The following UNC5A variants were observed in gnomAD, a reference collection of about 807,000 sequenced individuals.
UNC5A encodes unc-5 netrin receptor A.
UNC5A carries 20 observed loss-of-function variants against 87.4 expected under a neutral mutation model. That is an observed-to-expected ratio of 0.23 (90% CI 0.16 to 0.33). The LOEUF is 0.33. UNC5A is among the 10% of genes least tolerant of loss of function. The pLI, the probability that UNC5A is intolerant of heterozygous loss-of-function variation, is 1.00. For synonymous variants in UNC5A, 438 were observed against 482.3 expected (o/e 0.91, Z 1.20); for missense variants, 844 against 1,133.4 (o/e 0.74, Z 3.67).
intron 1 of UNC5A, among the ~76,000 whole-genome samples, chr5:176,829,156 AGATGGATGGATG>A (rs70991573): frequency 0.076 from 9,295 of 122,212 alleles, 897 homozygotes; most frequent in African/African-American, 0.24. Context: ...AAAGAAAGAA[AGATGGATGGATG>A]GATGGATGGA....
intron 2 of UNC5A, among the ~76,000 whole-genome samples, chr5:176,863,813 T>TCCCCCTCCTCCTCCC (rs1757906014): frequency 2.2e-5 from 1 of 44,700 alleles, no homozygotes; most frequent in Non-Finnish European, 4.4e-5. Context: ...CTTCCCCTCC[T>TCCCCCTCCTCCTCCC]CCCCCTCCTC....
rs780514029 is a variant in UNC5A at position 176,874,159 on chromosome 5, G to A, written c.1075+3G>A. 1.2e-6 allele frequency: 2 copies of A among 1,612,612 alleles called. No homozygotes were observed. The highest frequency in any genetic ancestry group is 1.1e-5 in the South Asian group (1 of 91,068). ...CAGCATCAAGCCCAGCAAAGCAGGT[G>A]AGGGGCCCCGTGCCCCCAGCACTCC... On this transcript the variant is annotated splice_donor_region_variant and intron_variant, in intron 7 of 14. Transcript: ENST00000329542. This position sits in a 1 kb window ranked among gnomAD's most constrained non-coding sequence, Gnocchi z 7.6.
In UNC5A at chr5:176,862,662, G is replaced by T. The variant is rs757684191; in HGVS notation, c.109G>T (p.Gly37Cys). 1 of 1,613,602 alleles carries T rather than the reference G, an allele frequency of 6.2e-7. No individual in the cohort carries two copies. Among genetic ancestry groups the T allele is most frequent in the South Asian group, 1.1e-5 (1 of 91,084 alleles). Residue 37 changes from glycine (G) to cysteine (C), a missense_variant, in exon 2 of 15, where the codon GGT becomes TGT. Physicochemically the swap from Gly to Cys is radical, Grantham distance 159 (BLOSUM62 -3). Transcript: ENST00000329542. ...TGCCACCGTGGCCAACCCAGTGCCT[G>T]GTGCCAACCCGGACCTGCTTCCCCA... ...QSATVANPVP[G>C]ANPDLLPHFL...
At position 176,869,568 on chromosome 5, in the gene UNC5A, G is replaced by T; in HGVS notation, c.721+604G>T. 1 of 678,262 alleles carries T rather than the reference G, an allele frequency of 1.5e-6. No individual in the cohort carries two copies. The highest frequency in any genetic ancestry group is 2.7e-6 in the Non-Finnish European group (1 of 370,938). The allele number at this position is 678,262 out of a possible 1,614,324, so 42.0% of individuals were successfully genotyped here. A position where few individuals can be genotyped will look rare whatever the true frequency, so the allele number is the denominator to read the frequency against. The stretch of plus-strand genomic sequence containing the variant: ...CCCCGTCCCCTGGGCCAGTGTATCT[G>T]AGGACGCCCCCGCTCCCTGACCCCA... On this transcript the variant is annotated intron_variant, in intron 5 of 14. Coordinates refer to ENST00000329542, the MANE Select transcript of UNC5A (RefSeq NM_133369.3). The surrounding 1 kb of genome is among the most constrained non-coding windows in gnomAD (Gnocchi z 9.1).
At chr5:176,847,083 G>A (rs542518184) in intron 1 of UNC5A, among the ~76,000 whole-genome samples, 5 of 152,134 alleles carry the variant, frequency 3.3e-5, no homozygotes, top group South Asian at 2.1e-4. Context: ...GTGCCACTCC[G>A]ATGGGTGCCC....
rs144064373 is a variant in UNC5A, at chr5:176,874,454, C to T, written c.1266C>T (p.Phe422=). Residue 422 remains phenylalanine (F), a synonymous_variant, in exon 8 of 15, where the codon TTC becomes TTT. Coordinates refer to ENST00000329542, the MANE Select transcript of UNC5A (RefSeq NM_133369.3). The surrounding 1 kb of genome is among the most constrained non-coding windows in gnomAD (Gnocchi z 7.6). ...HSSPTSEAEE[F]VSRLSTQNYF... ...CTCCCACCTCTGAGGCCGAGGAGTT[C>T]GTCTCCCGCCTCTCCACCCAGAACT... The T allele has an allele frequency of 2.9e-3, 4,631 of 1,610,774 alleles. 13 individuals are homozygous for T. The highest frequency in any genetic ancestry group is 3.6e-3 in the Non-Finnish European group (4,276 of 1,178,202).
intron 2 of UNC5A, among the ~76,000 whole-genome samples, chr5:176,863,212 A>G (rs1757885008): frequency 6.6e-6 from 1 of 152,152 alleles, no homozygotes. Flanking sequence ...GAGGCCCCTC[A>G]GGGGAGGTGA....
rs951811509 is a variant in UNC5A, at chr5:176,844,288, C to T, written c.71-18336C>T. Among the ~76,000 whole-genome samples, 3 of 152,112 alleles carry T rather than the reference C, an allele frequency of 2.0e-5. No individual in the cohort carries two copies. Among genetic ancestry groups the T allele is most frequent in the African/African-American group, 7.2e-5 (3 of 41,446 alleles). On this transcript the variant is annotated intron_variant, in intron 1 of 14. Coordinates refer to ENST00000329542, the MANE Select transcript of UNC5A (RefSeq NM_133369.3). The surrounding 1 kb of genome is among the most constrained non-coding windows in gnomAD (Gnocchi z 4.2). ...GTATCCCGTGGGCCACCGGGGTTCT[C>T]TTGGTGGGTGTGGCACAGCTGAGGA...
chr5:176,840,178 T>G (rs971617463), intron 1 of UNC5A, among the ~76,000 whole-genome samples: 1 of 152,178 alleles, frequency 6.6e-6, no homozygotes, highest in Non-Finnish European at 1.5e-5. Context: ...GTGTGAACCT[T>G]CTTCACGCCT....
At chr5:176,819,646 A>G (rs956055294) in intron 1 of UNC5A, among the ~76,000 whole-genome samples, 8 of 152,206 alleles carry the variant, frequency 5.3e-5, no homozygotes, top group African/African-American at 1.9e-4. Context: ...TCCACCACCC[A>G]ACAAATGTCC....
chr5:176,846,513 C>T (rs1382135517), intron 1 of UNC5A, among the ~76,000 whole-genome samples: 1 of 152,174 alleles, frequency 6.6e-6, no homozygotes, highest in Admixed American at 6.5e-5. Flanking sequence ...GCATCTTATA[C>T]AGCTTGGTGA....
intron 6 of UNC5A, among the ~76,000 whole-genome samples, chr5:176,872,216 C>T (rs1483659507): frequency 8.9e-5 from 4 of 45,092 alleles, no homozygotes; most frequent in Admixed American, 2.5e-4. Flanking sequence ...CACTCACCAA[C>T]ACCACAGCTT....
Position 176,868,773 on chromosome 5 carries a change from C to T in UNC5A, c.541-11C>T. On this transcript the variant is annotated splice_polypyrimidine_tract_variant and intron_variant, in intron 4 of 14. Transcript: ENST00000329542. Reference sequence around the variant, plus strand: ...TGGGCTGGCAGTACATGGCAGGGCTCCCTCCCCTAGGTGGAGTGGCTCCGG... The same window carrying T: ...TGGGCTGGCAGTACATGGCAGGGCTTCCTCCCCTAGGTGGAGTGGCTCCGG... The T allele has an allele frequency of 6.3e-7, 1 of 1,591,410 alleles. No homozygotes were observed. Among genetic ancestry groups the T allele is most frequent in the Non-Finnish European group, 8.6e-7 (1 of 1,163,948 alleles).
rs145091772 is a variant in UNC5A at position 176,840,368 on chromosome 5, G to A, written c.71-22256G>A. Reference sequence around the variant, plus strand: ...GCAGGGACAGGCTGGGCTGTGAGTCGGGGGAGGGGCTGGGCGGCAGAGCCA... The same window carrying A: ...GCAGGGACAGGCTGGGCTGTGAGTCAGGGGAGGGGCTGGGCGGCAGAGCCA... On this transcript the variant is annotated intron_variant, in intron 1 of 14. Coordinates refer to ENST00000329542, the MANE Select transcript of UNC5A (RefSeq NM_133369.3). Among the ~76,000 whole-genome samples the A allele has an allele frequency of 5.4e-3, 816 of 152,250 alleles. 9 individuals carry two copies. The highest frequency in any genetic ancestry group is 0.025 in the South Asian group (123 of 4,824).
chr5:176,867,581 A>G (rs1057012830), intron 2 of UNC5A, among the ~76,000 whole-genome samples: 1 of 152,226 alleles, frequency 6.6e-6, no homozygotes, highest in African/African-American at 2.4e-5. Flanking sequence ...GGCACGTGGG[A>G]AACCCTAAGT....
rs1407435683 is a variant in UNC5A at position 176,878,263 on chromosome 5, A to G, written c.1889A>G (p.Lys630Arg). Reference protein sequence around the residue: ...DALKEVVQLEKQLGGQLIQEP... With the variant: ...DALKEVVQLERQLGGQLIQEP... ...CTGCAGGAGGTGGTGCAGCTGGAGA[A>G]GCAGCTGGGGGGACAGCTGATCCAG... Residue 630 changes from lysine to arginine, a missense_variant, in exon 12 of 15, where the codon AAG becomes AGG. Physicochemically the swap from Lys to Arg is conservative, Grantham distance 26. Coordinates refer to ENST00000329542, the MANE Select transcript of UNC5A (RefSeq NM_133369.3). The G allele has an allele frequency of 3.7e-6, 6 of 1,612,276 alleles. No homozygotes were observed. Among genetic ancestry groups the G allele is most frequent in the Non-Finnish European group, 5.1e-6 (6 of 1,179,780 alleles).
chr5:176,859,634 G>A (rs367752756), intron 1 of UNC5A, among the ~76,000 whole-genome samples: 7 of 43,018 alleles, frequency 1.6e-4, no homozygotes, highest in South Asian at 9.3e-4. Flanking sequence ...TAGAGGGCAT[G>A]GCTGCTAGAA....
chr5:176,810,958 C>A lies in UNC5A; in HGVS notation c.70+138C>A. ...AGGCCAAACTTTGCGAGGCGGGACGCGGGGGGCTCTTCTTGCTGCTGCGCA... is the reference window on the plus strand; with the variant it reads ...AGGCCAAACTTTGCGAGGCGGGACGAGGGGGGCTCTTCTTGCTGCTGCGCA... On this transcript the variant is annotated intron_variant, in intron 1 of 14. Coordinates refer to ENST00000329542, the MANE Select transcript of UNC5A (RefSeq NM_133369.3). This position sits in a 1 kb window ranked among gnomAD's most constrained non-coding sequence, Gnocchi z 7.3. The A allele has an allele frequency of 1.4e-6, 1 of 692,376 alleles. No homozygotes were observed. The highest frequency in any genetic ancestry group is 1.9e-6 in the Non-Finnish European group (1 of 530,616). The allele number at this position is 692,376 out of a possible 1,614,324, so 42.9% of individuals were successfully genotyped here. A position where few individuals can be genotyped will look rare whatever the true frequency, so the allele number is the denominator to read the frequency against.
At chr5:176,843,125 C>T (rs1384529058) in intron 1 of UNC5A, among the ~76,000 whole-genome samples, 1 of 149,286 alleles carries the variant, frequency 6.7e-6, no homozygotes, top group Non-Finnish European at 1.5e-5. Flanking sequence ...CGCGTCATTG[C>T]ACTCCAGCCT....
Sources: allele counts gnomAD v4.1 joint callset (sites outside exome capture counted in the v4.1 genomes callset), GRCh38; gene constraint gnomAD v4.1.1; non-coding constraint Gnocchi (gnomAD v3.1); transcripts MANE v1.5; gene names NCBI Gene and HGNC (gene_info 2026-07-23, HGNC 2026-07-21).